The following YWHAG variants were observed in gnomAD, a reference collection of about 807,000 sequenced individuals.
YWHAG encodes the protein tyrosine 3-monooxygenase/tryptophan 5-monooxygenase activation protein gamma, also known as 14-3-3 protein gamma.
YWHAG carries 1 observed loss-of-function variant against 23.3 expected under a neutral mutation model. The ratio of observed to expected loss-of-function variants is 0.04; its 90% CI spans 0.02 to 0.20. YWHAG has a LOEUF of 0.20. Among genes scored for constraint, YWHAG ranks in the 10% least tolerant of loss-of-function variants. YWHAG has a pLI of 1.00. For missense variants in YWHAG, 151 were observed against 338.6 expected, an observed-to-expected ratio of 0.45 and a Z score of 4.35; for synonymous variants, 160 against 144.0, an observed-to-expected ratio of 1.11 and a Z score of -0.80.
intron 1 of YWHAG, among the ~76,000 whole-genome samples, chr7:76,344,917 C>A (rs1272559710): frequency 2.0e-5 from 3 of 152,166 alleles, no homozygotes; most frequent in African/African-American, 4.8e-5. Context: ...TCCTTCCCTG[C>A]AAAGTTCATG....
intron 1 of YWHAG, among the ~76,000 whole-genome samples, chr7:76,343,427 T>C (rs894772778): frequency 3.3e-5 from 5 of 152,190 alleles, no homozygotes; most frequent in African/African-American, 1.2e-4. Context: ...ATAACGCTCA[T>C]ACTCCACCCC....
intron 1 of YWHAG, among the ~76,000 whole-genome samples, chr7:76,333,573 C>T (rs114808390): frequency 9.8e-5 from 15 of 152,344 alleles, no homozygotes; most frequent in African/African-American, 3.6e-4. Flanking sequence ...TCATCCTCTT[C>T]TCTATATTAA....
chr7:76,355,616 G>C (rs948890784), intron 1 of YWHAG, among the ~76,000 whole-genome samples: 5 of 152,172 alleles, frequency 3.3e-5, no homozygotes, highest in African/African-American at 1.2e-4. Flanking sequence ...AATAGCTATT[G>C]ATCTCCTGGA....
intron 1 of YWHAG, among the ~76,000 whole-genome samples, chr7:76,339,925 C>T (rs977144769): frequency 6.6e-6 from 1 of 152,010 alleles, no homozygotes; most frequent in African/African-American, 2.4e-5. Flanking sequence ...CCCGTCTCTA[C>T]TAAAATACAA....
At chr7:76,355,241 T>C (rs1334112615) in intron 1 of YWHAG, among the ~76,000 whole-genome samples, 1 of 152,218 alleles carries the variant, frequency 6.6e-6, no homozygotes, top group Non-Finnish European at 1.5e-5. Context: ...TAAAAACACA[T>C]CGTTTTCTCC....
Position 76,328,779 on chromosome 7 carries a change from C to T in YWHAG, c.*798G>A, listed in dbSNP as rs928452949. The T allele has an allele frequency of 1.4e-5, 2 of 142,594 alleles. No homozygotes were observed. The highest frequency in any genetic ancestry group is 7.0e-5 in the Admixed American group (1 of 14,336). 8.8% of individuals were successfully genotyped at this position (142,594 alleles called of 1,614,324 possible). A position where few individuals can be genotyped will look rare whatever the true frequency, so the allele number is the denominator to read the frequency against. Reference sequence around the variant, plus strand: ...ATTAATAATTTTGGTGGTGGATTTACGTTAAGAGGAAAGAAGGACCAAAAA... The same window carrying T: ...ATTAATAATTTTGGTGGTGGATTTATGTTAAGAGGAAAGAAGGACCAAAAA... On this transcript the variant is annotated 3_prime_UTR_variant, in exon 2 of 2. Coordinates refer to ENST00000307630, the MANE Select transcript of YWHAG (RefSeq NM_012479.4).
Position 76,329,620 on chromosome 7 carries a change from G to A in YWHAG, c.701C>T (p.Thr234Met), listed in dbSNP as rs1333221474. 7 of 1,613,456 alleles carry A rather than the reference G, an allele frequency of 4.3e-6. No homozygotes were observed. Among genetic ancestry groups the A allele is most frequent in the Non-Finnish European group, 5.9e-6 (7 of 1,179,510 alleles). Residue 234 changes from threonine to methionine, a missense_variant, in exon 2 of 2, where the codon ACG becomes ATG. By Grantham distance (81) the Thr-to-Met change is moderately conservative. Coordinates refer to ENST00000307630, the MANE Select transcript of YWHAG (RefSeq NM_012479.4). The surrounding 1 kb of genome is among the most constrained non-coding windows in gnomAD (Gnocchi z 6.1). ...GCCATCGTCGTCCTGCTGGTCGCTC[G>A]TCCAGAGCGTGAGGTTGTCGCGGAG... is the stretch of plus-strand genomic sequence containing the variant. ...QLLRDNLTLWTSDQQDDDGGE... is the reference protein window; with the variant it reads ...QLLRDNLTLWMSDQQDDDGGE...
rs1804007197 is a variant in YWHAG, at chr7:76,358,910, C to T, written c.-102G>A. ...GCCCAAGTGCCGGAGAGGACCGACC[C>T]ACAGAGCGAGCAGCTGAGGCGGCGG... On this transcript the variant is annotated 5_prime_UTR_variant, in exon 1 of 2. Transcript: ENST00000307630. 8.8e-7 allele frequency: 1 copy of T among 1,139,744 alleles called. No homozygotes were observed. Among genetic ancestry groups the T allele is most frequent in the South Asian group, 1.9e-5 (1 of 54,040 alleles). The allele number at this position is 1,139,744 out of a possible 1,614,324, so 70.6% of individuals were successfully genotyped here.
intron 1 of YWHAG, among the ~76,000 whole-genome samples, chr7:76,355,360 G>C (rs1262779082): frequency 6.6e-6 from 1 of 152,238 alleles, no homozygotes; most frequent in African/African-American, 2.4e-5. Flanking sequence ...CAATGAGGAT[G>C]AACATTTAGC....
At position 76,352,169 on chromosome 7, in the gene YWHAG, T is replaced by C. The variant is rs75106093; in HGVS notation, c.87+6553A>G. Among the ~76,000 whole-genome samples the C allele has an allele frequency of 2.1e-3, 318 of 152,360 alleles. 3 individuals are homozygous for C. Among genetic ancestry groups the C allele is most frequent in the African/African-American group, 7.2e-3 (301 of 41,592 alleles). Reference sequence around the variant, plus strand: ...CTACATTCTTAAAGAACTAGCACCATAGGCATTTTGTTTCCCAGATCTGGG... The same window carrying C: ...CTACATTCTTAAAGAACTAGCACCACAGGCATTTTGTTTCCCAGATCTGGG... On this transcript the variant is annotated intron_variant, in intron 1 of 1. Coordinates refer to ENST00000307630, the MANE Select transcript of YWHAG (RefSeq NM_012479.4).
At chr7:76,333,566 T>C (rs750717284) in intron 1 of YWHAG, among the ~76,000 whole-genome samples, 19 of 152,194 alleles carry the variant, frequency 1.2e-4, no homozygotes, top group Non-Finnish European at 2.4e-4. Flanking sequence ...CTCCGTTTCA[T>C]CCTCTTCTCT....
At chr7:76,334,493 T>C (rs1433785631) in intron 1 of YWHAG, among the ~76,000 whole-genome samples, 3 of 151,894 alleles carry the variant, frequency 2.0e-5, no homozygotes, top group Non-Finnish European at 4.4e-5. Flanking sequence ...AGTGGTGCAA[T>C]CACAGCTCAC....
chr7:76,358,057 T>C (rs1803986841), intron 1 of YWHAG, among the ~76,000 whole-genome samples: 1 of 152,210 alleles, frequency 6.6e-6, no homozygotes, highest in African/African-American at 2.4e-5. Context: ...ACGTTCTCCC[T>C]TCCTAAAAGC....
intron 1 of YWHAG, among the ~76,000 whole-genome samples, chr7:76,350,178 C>T (rs1162077884): frequency 2.0e-5 from 3 of 152,246 alleles, no homozygotes; most frequent in Admixed American, 1.3e-4. Flanking sequence ...GCAATCACTC[C>T]AAAGAAGCAT....
chr7:76,341,360 C>G (rs1375674147), intron 1 of YWHAG, among the ~76,000 whole-genome samples: 1 of 139,434 alleles, frequency 7.2e-6, no homozygotes. Context: ...GCTGAGGTGG[C>G]GCCACTGCAC....
intron 1 of YWHAG, among the ~76,000 whole-genome samples, chr7:76,339,398 A>G (rs779697427): frequency 3.3e-5 from 5 of 152,112 alleles, no homozygotes; most frequent in Admixed American, 6.6e-5. Context: ...TGAACCCGGG[A>G]GGCAGAGGTT....
At chr7:76,340,360 G>C (rs1002528586) in intron 1 of YWHAG, among the ~76,000 whole-genome samples, 1 of 152,052 alleles carries the variant, frequency 6.6e-6, no homozygotes, top group Non-Finnish European at 1.5e-5. Flanking sequence ...TGCCAATAAT[G>C]CTTATGAGCA....
chr7:76,340,222 ACAAT>A (rs1040296299), intron 1 of YWHAG, among the ~76,000 whole-genome samples: 2 of 152,262 alleles, frequency 1.3e-5, no homozygotes, highest in African/African-American at 4.8e-5. Flanking sequence ...CGTTTCACTA[ACAAT>A]CAATTCTAGT....
chr7:76,357,487 A>C (rs2115663113), intron 1 of YWHAG, among the ~76,000 whole-genome samples: 1 of 152,274 alleles, frequency 6.6e-6, no homozygotes, highest in South Asian at 2.1e-4. Context: ...ATAATGCTCA[A>C]TACTTCCCCC....
Sources: allele counts gnomAD v4.1 joint callset (sites outside exome capture counted in the v4.1 genomes callset), GRCh38; gene constraint gnomAD v4.1.1; non-coding constraint Gnocchi (gnomAD v3.1); transcripts MANE v1.5; gene names NCBI Gene and HGNC (gene_info 2026-07-23, HGNC 2026-07-21).